CDH23: variants seen among roughly 807,000 people sequenced by gnomAD.
The protein encoded by CDH23 is cadherin-23.
In CDH23, 189 loss-of-function variants were observed where a neutral mutation model predicts 317.1. That is an observed-to-expected ratio of 0.60 (90% confidence interval 0.53 to 0.67). CDH23 has a LOEUF of 0.67. Ranked by LOEUF, CDH23 falls within the 30% of genes least tolerant of loss-of-function variation. The pLI is 0.00. For synonymous variants in CDH23, 1,839 were observed against 1,876.8 expected, an observed-to-expected ratio of 0.98 and a Z score of 0.52; for missense variants, 4,401 against 4,592.4, an observed-to-expected ratio of 0.96 and a Z score of 1.20.
At chr10:71,518,226 C>G (rs1353693290) in intron 6 of CDH23, among the ~76,000 whole-genome samples, 1 of 152,238 alleles carries the variant, frequency 6.6e-6, no homozygotes, top group African/African-American at 2.4e-5. Context: ...GACAAATTCA[C>G]TGACTTCTCC....
intron 3 of CDH23, among the ~76,000 whole-genome samples, chr10:71,460,118 AAGCTGCTG>A (rs1414682144): frequency 6.6e-6 from 1 of 152,232 alleles, no homozygotes; most frequent in Non-Finnish European, 1.5e-5. Flanking sequence ...CATAGGCATT[AAGCTGCTG>A]AGCTGAATTC....
At chr10:71,551,698 A>C (rs1335694382) in intron 6 of CDH23, among the ~76,000 whole-genome samples, 1 of 152,076 alleles carries the variant, frequency 6.6e-6, no homozygotes, top group African/African-American at 2.4e-5. Context: ...TCTTTGTGTG[A>C]CATGAGAAGA....
At chr10:71,720,227 C>G (rs1195884962) in intron 28 of CDH23, among the ~76,000 whole-genome samples, 2 of 152,200 alleles carry the variant, frequency 1.3e-5, no homozygotes, top group African/African-American at 4.8e-5. Context: ...CCATTCCTTC[C>G]AGGCTTTTCC....
chr10:71,445,576 C>T (rs765086250), intron 2 of CDH23, among the ~76,000 whole-genome samples: 5 of 152,190 alleles, frequency 3.3e-5, no homozygotes, highest in Non-Finnish European at 7.3e-5. Flanking sequence ...CGATGGCTCA[C>T]GCCTGTAATC....
Position 71,442,267 on chromosome 10 carries a change from C to T in CDH23, c.67+2369C>T, listed in dbSNP as rs929122923. Among the ~76,000 whole-genome samples, 3 of 152,206 alleles carry T rather than the reference C, an allele frequency of 2.0e-5. No individual in the cohort carries two copies. In the South Asian group the frequency reaches 6.2e-4, roughly 32 times the overall value. ...CATACGCACAAGGGTCCCTCACTCT[C>T]TCATTGCTTGGCACAGTCACCTCTT... On this transcript the variant is annotated intron_variant, in intron 2 of 69. Transcript: ENST00000224721.
chr10:71,471,616 A>C (rs1851515948), intron 3 of CDH23, among the ~76,000 whole-genome samples: 1 of 152,118 alleles, frequency 6.6e-6, no homozygotes, highest in Non-Finnish European at 1.5e-5. Context: ...AAGCTGCACC[A>C]GGAGGGCCAG....
chr10:71,641,745 A>C (rs564451513), intron 11 of CDH23, among the ~76,000 whole-genome samples: 84 of 152,144 alleles, frequency 5.5e-4, no homozygotes, highest in African/African-American at 2.0e-3. Context: ...TACTTCCTCC[A>C]CCCGAAATCC....
chr10:71,629,070 G>A (rs1375737734), intron 11 of CDH23, among the ~76,000 whole-genome samples: 1 of 152,206 alleles, frequency 6.6e-6, no homozygotes, highest in Admixed American at 6.5e-5. Context: ...ATGCCCTGAG[G>A]GATGTGCACG....
chr10:71,813,110 C>T (rs1299946998), intron 68 of CDH23, 134 bp from the exon 69 acceptor site: 1 of 1,114,160 alleles, frequency 9.0e-7, no homozygotes, highest in Non-Finnish European at 1.3e-6. Context: ...TGTCTCCAGG[C>T]TCTGCCGCTG....
chr10:71,784,843 C>A, intron 42 of CDH23, 48 bp from the exon 43 acceptor site: 1 of 1,511,844 alleles, frequency 6.6e-7, no homozygotes, highest in Non-Finnish European at 9.2e-7. Flanking sequence ...CCATGCACAA[C>A]ATCTGTCGCT....
rs1284213488 is a variant in CDH23, at chr10:71,791,293, C to A, written c.6211C>A (p.Pro2071Thr). 6.2e-6 allele frequency: 10 copies of A among 1,613,786 alleles called. No homozygotes were observed. Among genetic ancestry groups the A allele is most frequent in the Non-Finnish European group, 7.6e-6 (9 of 1,179,882 alleles). Residue 2071 changes from proline to threonine, a missense_variant, in exon 47 of 70, where the codon CCT becomes ACT. Physicochemically the swap from Pro to Thr is conservative, Grantham distance 38 (BLOSUM62 -1). Around this residue, in one of 3 missense-constraint regions of CDH23, gnomAD observed 3,068 missense variants for 3,203.3 expected, o/e 0.96. Transcript: ENST00000224721. The stretch of plus-strand genomic sequence containing the variant: ...CAATGACAACCGGCCCACCTTTAGC[C>A]CTGCCACCCTCACTGTCCATCTGCT... ...DDNDNRPTFS[P>T]ATLTVHLLEN...
chr10:71,691,533 A>ACAAATT (rs2132707976), intron 20 of CDH23, among the ~76,000 whole-genome samples: 1 of 140,024 alleles, frequency 7.1e-6, no homozygotes, highest in Non-Finnish European at 1.6e-5. Flanking sequence ...TTGAGACAAT[A>ACAAATT]CAAATTCAAA....
At chr10:71,765,744 C>A (rs543709668) in intron 38 of CDH23, among the ~76,000 whole-genome samples, 2 of 152,228 alleles carry the variant, frequency 1.3e-5, no homozygotes, top group African/African-American at 4.8e-5. Flanking sequence ...CACTGGCCAC[C>A]CATCCCACAG....
At chr10:71,740,051 T>A (rs941194455) in intron 36 of CDH23, among the ~76,000 whole-genome samples, 2 of 152,196 alleles carry the variant, frequency 1.3e-5, no homozygotes, top group African/African-American at 4.8e-5. Context: ...GAGAGCCTGG[T>A]GGAGCTGGGA....
intron 1 of CDH23, 52 bp from the exon 2 acceptor site, chr10:71,439,775 C>A: frequency 7.2e-7 from 1 of 1,393,346 alleles, no homozygotes; most frequent in East Asian, 2.5e-5. Context: ...AGGAGCAGAC[C>A]CTCTGCCACC....
intron 1 of CDH23, among the ~76,000 whole-genome samples, chr10:71,410,445 G>T (rs1848298909): frequency 6.6e-6 from 1 of 152,190 alleles, no homozygotes; most frequent in Admixed American, 6.5e-5. Context: ...GCTTCCCATG[G>T]CAGGAGGGCA....
intron 6 of CDH23, among the ~76,000 whole-genome samples, chr10:71,530,645 C>T (rs569833032): frequency 6.6e-6 from 1 of 152,230 alleles, no homozygotes; most frequent in Non-Finnish European, 1.5e-5. Flanking sequence ...GACAGCCTCT[C>T]ATCTCACATG....
intron 1 of CDH23, among the ~76,000 whole-genome samples, chr10:71,401,828 T>C (rs1160018969): frequency 6.6e-6 from 1 of 152,214 alleles, no homozygotes; most frequent in Non-Finnish European, 1.5e-5. Flanking sequence ...TTGATCTGAA[T>C]GTCTGCAACA....
chr10:71,586,337 G>A (rs1030553602), intron 9 of CDH23, among the ~76,000 whole-genome samples: 2 of 152,086 alleles, frequency 1.3e-5, no homozygotes, highest in African/African-American at 4.8e-5. Context: ...ACTTTCAAGA[G>A]CTTTGAGATC....
Sources: gnomAD v4.1 joint callset for allele counts (sites outside exome capture counted in the v4.1 genomes callset) on GRCh38, gnomAD v4.1.1 for gene constraint, gnomAD v4.1.1 regional missense constraint, MANE v1.5 for transcripts, NCBI Gene and HGNC (gene_info 2026-07-23, HGNC 2026-07-21) for gene names.